Variants in HTT observed in about 807,000 individuals in gnomAD.
The protein encoded by HTT is huntingtin, also known as huntington disease protein.
A neutral mutation model predicts 362.3 loss-of-function variants in HTT; 104 were observed. The observed-to-expected ratio is 0.29, with a 90% CI of 0.24 to 0.34. The LOEUF (loss-of-function observed/expected upper bound fraction) is 0.34. Ranked by LOEUF, HTT falls within the 10% of genes least tolerant of loss-of-function variation. The pLI, the probability that HTT is intolerant of heterozygous loss-of-function variation, is 1.00. For missense variants in HTT, 3,301 were observed against 3,928.6 expected, an observed-to-expected ratio of 0.84 and a Z score of 4.27; for synonymous variants, 1,577 against 1,548.7, an observed-to-expected ratio of 1.02 and a Z score of -0.43.
At chr4:3,147,103 A>T (rs1342777112) in intron 25 of HTT, among the ~76,000 whole-genome samples, 155 bp downstream of exon 25, 3 of 152,260 alleles carry the variant, frequency 2.0e-5, no homozygotes, top group Non-Finnish European at 1.5e-5. Flanking sequence ...ACCTATATGC[A>T]TAAACACATG....
chr4:3,134,541 G>A lies in HTT; in HGVS notation c.2633+1G>A. Reference sequence around the variant, plus strand: ...AAACCCTTGCAGAGATTGACTTCAGGTAAGTGAGTCACATCCATTAGATTT... The same window carrying A: ...AAACCCTTGCAGAGATTGACTTCAGATAAGTGAGTCACATCCATTAGATTT... On this transcript the variant is annotated splice_donor_variant, in intron 19 of 66. Coordinates refer to ENST00000355072, the MANE Select transcript of HTT (RefSeq NM_001388492.1). LOFTEE classifies it high-confidence loss of function. 6.2e-7 allele frequency: 1 copy of A among 1,611,158 alleles called. No homozygotes were observed. The highest frequency in any genetic ancestry group is 8.5e-7 in the Non-Finnish European group (1 of 1,178,686).
chr4:3,107,482 G>A, intron 6 of HTT, 59 bp downstream of exon 6: 2 of 1,577,682 alleles, frequency 1.3e-6, no homozygotes. Flanking sequence ...AGTCTGTGGA[G>A]GGTGAGGGCT....
intron 61 of HTT, among the ~76,000 whole-genome samples, chr4:3,233,714 C>T (rs955853791): frequency 1.3e-5 from 2 of 152,262 alleles, no homozygotes; most frequent in Non-Finnish European, 2.9e-5. Flanking sequence ...CTTCCCCGCC[C>T]TGGCCCAGTA....
intron 8 of HTT, 100 bp from the exon 9 acceptor site, chr4:3,121,128 A>C: frequency 2.7e-6 from 2 of 750,418 alleles, no homozygotes; most frequent in Middle Eastern, 3.2e-4. Context: ...GTTAAGGTAT[A>C]AACTTTGTCA....
intron 66 of HTT, 58 bp downstream of exon 66, chr4:3,239,036 T>C: frequency 4.6e-6 from 7 of 1,509,562 alleles, no homozygotes; most frequent in Middle Eastern, 3.4e-4. Flanking sequence ...CCGAGGCTCA[T>C]GTTTCATGAT....
chr4:3,239,873 C>T lies in HTT; in HGVS notation c.9243C>T (p.Gly3081=), dbSNP rs1249676137. 4.5e-6 allele frequency: 7 copies of T among 1,562,580 alleles called. No homozygotes were observed. The African/African-American group carries it at 9.5e-5, about 21-fold the overall frequency. The stretch of plus-strand genomic sequence containing the variant: ...TCCCACATGTCATCAGCAGGATGGG[C>T]AAGCTGGAGCAGGTGGACGTGAACC... ...AILPHVISRM[G]KLEQVDVNLF... Residue 3081 remains glycine, a synonymous_variant, in exon 67 of 67, where the codon GGC becomes GGT. Transcript: ENST00000355072.
intron 21 of HTT, among the ~76,000 whole-genome samples, chr4:3,139,406 C>T (rs182459174): frequency 3.3e-4 from 50 of 152,208 alleles, no homozygotes; most frequent in South Asian, 2.9e-3. Context: ...CCATGTTGGC[C>T]GGGCTGATCT....
chr4:3,153,270 C>A (rs1716987051), intron 26 of HTT, among the ~76,000 whole-genome samples: 3 of 152,020 alleles, frequency 2.0e-5, no homozygotes, highest in African/African-American at 7.2e-5. Flanking sequence ...CCCAAAGGCC[C>A]CACCTCCTAA....
At chr4:3,192,872 A>G (rs1719070978) in intron 40 of HTT, among the ~76,000 whole-genome samples, 1 of 152,190 alleles carries the variant, frequency 6.6e-6, no homozygotes, top group Non-Finnish European at 1.5e-5. Flanking sequence ...GCCCGCCTCC[A>G]TGCTAGCAGG....
At chr4:3,203,551 C>T (rs966602223) in intron 41 of HTT, among the ~76,000 whole-genome samples, 5 of 152,224 alleles carry the variant, frequency 3.3e-5, no homozygotes, top group African/African-American at 9.6e-5. Context: ...ATTTCCATAA[C>T]GTATAACATC....
At chr4:3,221,744 C>T (rs904008113) in intron 53 of HTT, among the ~76,000 whole-genome samples, 4 of 152,212 alleles carry the variant, frequency 2.6e-5, no homozygotes, top group South Asian at 2.1e-4. Flanking sequence ...TAGATACACT[C>T]GAATGCAGCT....
chr4:3,121,977 T>C (rs1480330827), intron 9 of HTT, among the ~76,000 whole-genome samples: 1 of 152,266 alleles, frequency 6.6e-6, no homozygotes, highest in African/African-American at 2.4e-5. Context: ...GGCTGCCTCC[T>C]GTGGCATTTT....
intron 21 of HTT, among the ~76,000 whole-genome samples, chr4:3,138,246 T>A (rs75731851): frequency 0.072 from 10,887 of 151,920 alleles, 554 homozygotes; most frequent in African/African-American, 0.15. Context: ...CACATTTTTT[T>A]AAATTTCAAT....
At position 3,225,752 on chromosome 4, in the gene HTT, C is replaced by T. The variant is rs748479268; in HGVS notation, c.7848+9C>T. Reference sequence around the variant, plus strand: ...GCTACAAACTCGGCCAGGTCAGTCTCGCGCCCCCGCCGCCTGGCCTCTGTC... The same window carrying T: ...GCTACAAACTCGGCCAGGTCAGTCTTGCGCCCCCGCCGCCTGGCCTCTGTC... On this transcript the variant is annotated intron_variant, in intron 57 of 66. Transcript: ENST00000355072. The T allele has an allele frequency of 1.4e-5, 22 of 1,609,432 alleles. No individual in the cohort carries two copies. The East Asian group carries it at 1.6e-4, about 11-fold the overall frequency.
intron 21 of HTT, among the ~76,000 whole-genome samples, chr4:3,140,273 AAAAG>A (rs1488226117): frequency 2.0e-5 from 3 of 151,684 alleles, no homozygotes; most frequent in Non-Finnish European, 4.4e-5. Flanking sequence ...AAAAAAAAAA[AAAAG>A]AAAAAAAGAA....
rs549477052 is a variant in HTT, at chr4:3,210,540, G to A, written c.6414+591G>A. ...CCCCAGATGTCAGAGGGCACCCTGC[G>A]CAGAGCTAGGAGGCCATGCAAAGCC... On this transcript the variant is annotated intron_variant, in intron 47 of 66. Coordinates refer to ENST00000355072, the MANE Select transcript of HTT (RefSeq NM_001388492.1). Among the ~76,000 whole-genome samples the A allele has an allele frequency of 7.9e-5, 12 of 152,278 alleles. No individual in the cohort carries two copies. In the East Asian group the frequency reaches 2.1e-3, roughly 27 times the overall value.
intron 61 of HTT, 23 bp downstream of exon 61, chr4:3,233,376 C>T: frequency 1.3e-6 from 2 of 1,580,486 alleles, no homozygotes; most frequent in Non-Finnish European, 1.7e-6. Context: ...CTGGCTGGGG[C>T]TGGGGCGGGG....
intron 51 of HTT, 59 bp downstream of exon 51, chr4:3,215,270 T>C: frequency 1.5e-6 from 2 of 1,321,930 alleles, no homozygotes; most frequent in Non-Finnish European, 2.2e-6. Flanking sequence ...TAAAAATCAT[T>C]CACAGAGACG....
At position 3,206,825 on chromosome 4, in the gene HTT, A is replaced by G; in HGVS notation, c.5917A>G (p.Thr1973Ala). ...NLSTPTMLKK[T>A]LQCLEGIHLS... Reference sequence around the variant, plus strand: ...CTGTTAGCCAACCATGCTGAAGAAAACTCTTCAGTGCTTGGAGGGGATCCA... The same window carrying G: ...CTGTTAGCCAACCATGCTGAAGAAAGCTCTTCAGTGCTTGGAGGGGATCCA... The change falls in exon 44 of 67, where the codon ACT becomes GCT. Residue 1973 changes from threonine to alanine, a missense_variant. Around this residue, in one of 4 missense-constraint regions of HTT, gnomAD observed 2,316 missense variants for 2,658.5 expected, o/e 0.87. Transcript: ENST00000355072. This position sits in a 1 kb window ranked among gnomAD's most constrained non-coding sequence, Gnocchi z 4.6. The G allele has an allele frequency of 6.3e-7, 1 of 1,599,168 alleles. No individual in the cohort carries two copies. Among genetic ancestry groups the G allele is most frequent in the Non-Finnish European group, 8.5e-7 (1 of 1,171,210 alleles).
Sources: allele counts gnomAD v4.1 joint callset (sites outside exome capture counted in the v4.1 genomes callset), GRCh38; gene constraint gnomAD v4.1.1; regional missense constraint gnomAD v4.1.1; non-coding constraint Gnocchi (gnomAD v3.1); transcripts MANE v1.5; gene names NCBI Gene and HGNC (gene_info 2026-07-23, HGNC 2026-07-21).